SOX6: variants seen among roughly 807,000 people sequenced by gnomAD.
The protein encoded by SOX6 is transcription factor SOX-6.
A neutral mutation model predicts 97.8 loss-of-function variants in SOX6; 11 were observed. The observed-to-expected ratio is 0.11, with a 90% CI of 0.07 to 0.19. The LOEUF is 0.19. Among genes scored for constraint, SOX6 ranks in the 10% least tolerant of loss-of-function variants. The pLI, the probability that SOX6 is intolerant of heterozygous loss-of-function variation, is 1.00. For missense variants in SOX6, 810 were observed against 1,039.5 expected (o/e 0.78, Z 3.04); for synonymous variants, 360 against 371.4 (o/e 0.97, Z 0.35).
intron 4 of SOX6, among the ~76,000 whole-genome samples, chr11:16,583,707 G>A (rs1179998926): frequency 5.4e-5 from 8 of 148,058 alleles, no homozygotes; most frequent in Non-Finnish European, 1.0e-4. Context: ...ATTGTGAATA[G>A]TGCTGTAATA....
At chr11:16,285,309 G>T (rs1254024007) in intron 3 of SOX6, among the ~76,000 whole-genome samples, 4 of 152,088 alleles carry the variant, frequency 2.6e-5, no homozygotes, top group Admixed American at 6.6e-5. Context: ...AAGGCAGGGG[G>T]ATCATCTGAG....
At chr11:16,110,436 C>A (rs1268141753) in intron 7 of SOX6, 2 of 152,018 alleles carry the variant, frequency 1.3e-5, no homozygotes, top group Non-Finnish European at 2.9e-5. Flanking sequence ...AAAATATACT[C>A]CTGTCCTTAA....
intron 4 of SOX6, among the ~76,000 whole-genome samples, chr11:16,606,220 C>A (rs1270973020): frequency 7.2e-6 from 1 of 139,196 alleles, no homozygotes. Flanking sequence ...TCTTTACTTC[C>A]CTCTTTTTTC....
At chr11:16,516,645 G>A (rs1208911702) in intron 4 of SOX6, among the ~76,000 whole-genome samples, 1 of 150,348 alleles carries the variant, frequency 6.7e-6, no homozygotes, top group East Asian at 2.0e-4. Context: ...TTGAATCTCT[G>A]AATAGACCAA....
chr11:16,630,055 T>A (rs1018350603), intron 3 of SOX6, among the ~76,000 whole-genome samples: 5 of 152,200 alleles, frequency 3.3e-5, no homozygotes, highest in African/African-American at 9.7e-5. Context: ...AGTTTGTTGA[T>A]TCTTTGTATG....
intron 6 of SOX6, among the ~76,000 whole-genome samples, chr11:16,154,657 AC>A (rs1564987209): frequency 6.6e-6 from 1 of 152,108 alleles, no homozygotes; most frequent in South Asian, 2.1e-4. Flanking sequence ...ATATTTGCTT[AC>A]AAAAAAAAAT....
intron 3 of SOX6, among the ~76,000 whole-genome samples, chr11:16,695,022 A>T (rs888131671): frequency 6.6e-6 from 1 of 152,212 alleles, no homozygotes; most frequent in African/African-American, 2.4e-5. Context: ...ACACCATTTT[A>T]TAAAAGAGGC....
At chr11:16,556,334 A>G (rs1847748333) in intron 4 of SOX6, among the ~76,000 whole-genome samples, 1 of 151,776 alleles carries the variant, frequency 6.6e-6, no homozygotes, top group Non-Finnish European at 1.5e-5. Flanking sequence ...GCTGTACTAA[A>G]TTATTATATG....
intron 3 of SOX6, among the ~76,000 whole-genome samples, chr11:16,254,492 G>A (rs574828129): frequency 6.6e-6 from 1 of 152,124 alleles, no homozygotes; most frequent in Non-Finnish European, 1.5e-5. Context: ...TGGGATAGAG[G>A]AATTCAGAAT....
rs191517465 is a variant in SOX6, at chr11:16,152,935, C to T, written c.777+30951G>A. 8.2e-3 allele frequency among the ~76,000 whole-genome samples: 1,253 copies of T among 152,052 alleles called. 14 individuals are homozygous for T. Among genetic ancestry groups the T allele is most frequent in the African/African-American group, 0.029 (1,210 of 41,482 alleles). On this transcript the variant is annotated intron_variant, in intron 6 of 15. Coordinates refer to ENST00000683767, the MANE Select transcript of SOX6 (RefSeq NM_001367873.1). ...AGGCTTGAGTGCAGTGGCGCTATCT[C>T]GGCTCACAGCAACCTCCACCTCCCA...
chr11:16,646,736 C>T (rs979188105), intron 3 of SOX6, among the ~76,000 whole-genome samples: 3 of 152,172 alleles, frequency 2.0e-5, no homozygotes, highest in Non-Finnish European at 4.4e-5. Flanking sequence ...GTTTTCCATT[C>T]CTCAGTTACT....
intron 7 of SOX6, 113 bp from the exon 8 acceptor site, chr11:16,097,801 A>G (rs1848837513): frequency 1.0e-6 from 1 of 982,284 alleles, no homozygotes; most frequent in Non-Finnish European, 1.6e-6. Context: ...TCTAAGCCCA[A>G]ACATCTGCAG....
chr11:16,055,849 A>G lies in SOX6; in HGVS notation c.1154T>C (p.Met385Thr). Residue 385 changes from methionine (M) to threonine (T), a missense_variant, in exon 10 of 16, where the codon ATG (methionine) becomes ACG (threonine). Met to Thr is a moderately conservative substitution (Grantham distance 81). This residue lies in a region of SOX6 where 244 missense variants were observed against 261.0 expected (regional missense o/e 0.93). Transcript: ENST00000683767. ...ASMQVSPGAKMPSTPQPPNTA... is the reference protein window; with the variant it reads ...ASMQVSPGAKTPSTPQPPNTA... Reference sequence around the variant, plus strand: ...GTTTGGTGGCTGTGGAGTTGATGGCATCTTTGCTCCAGGTGACACCTGCAT... The same window carrying G: ...GTTTGGTGGCTGTGGAGTTGATGGCGTCTTTGCTCCAGGTGACACCTGCAT... 1 of 1,613,778 alleles carries G rather than the reference A, an allele frequency of 6.2e-7. No individual in the cohort carries two copies. The highest frequency in any genetic ancestry group is 1.7e-5 in the Admixed American group (1 of 59,922).
At chr11:16,346,747 G>A (rs1393107528) in intron 1 of SOX6, among the ~76,000 whole-genome samples, 1 of 152,044 alleles carries the variant, frequency 6.6e-6, no homozygotes, top group Admixed American at 6.6e-5. Flanking sequence ...GTAACTATTA[G>A]AAGAAAACTC....
chr11:16,283,443 C>CA (rs921847270), intron 3 of SOX6, among the ~76,000 whole-genome samples: 3 of 151,386 alleles, frequency 2.0e-5, no homozygotes, highest in African/African-American at 7.3e-5. Context: ...AAATTATGTT[C>CA]AAAAGGTGAA....
intron 1 of SOX6, among the ~76,000 whole-genome samples, chr11:16,413,538 T>A (rs1010251900): frequency 2.4e-4 from 35 of 144,788 alleles, no homozygotes; most frequent in African/African-American, 9.3e-4. Context: ...TTTTTTTTTT[T>A]AGATGGAGTT....
intron 3 of SOX6, among the ~76,000 whole-genome samples, chr11:16,694,617 T>C (rs1467158863): frequency 6.6e-6 from 1 of 152,230 alleles, no homozygotes; most frequent in African/African-American, 2.4e-5. Context: ...TGTAATAGTA[T>C]TTATGTAATA....
At chr11:16,055,925 T>C (rs763039972) in intron 9 of SOX6, 24 bp from the exon 10 acceptor site, 12 of 1,612,480 alleles carry the variant, frequency 7.4e-6, no homozygotes, top group Admixed American at 1.7e-5. Flanking sequence ...AAGACAAACA[T>C]TGATCTCTTT....
intron 10 of SOX6, among the ~76,000 whole-genome samples, chr11:16,050,736 A>G (rs1334306061): frequency 6.6e-6 from 1 of 152,162 alleles, no homozygotes; most frequent in Non-Finnish European, 1.5e-5. Flanking sequence ...AGGATCTTGA[A>G]AGCTAAGCTC....
Sources: allele counts gnomAD v4.1 joint callset (sites outside exome capture counted in the v4.1 genomes callset), GRCh38; gene constraint gnomAD v4.1.1; regional missense constraint gnomAD v4.1.1; transcripts MANE v1.5; gene names NCBI Gene and HGNC (gene_info 2026-07-23, HGNC 2026-07-21).